The following VPS13B variants were observed in gnomAD, a reference collection of about 807,000 sequenced individuals.
The protein encoded by VPS13B is intermembrane lipid transfer protein VPS13B.
A neutral mutation model predicts 426.4 loss-of-function variants in VPS13B; 285 were observed. That is an observed-to-expected ratio of 0.67 (90% CI 0.61 to 0.74). VPS13B has a LOEUF of 0.74. Among genes scored for constraint, VPS13B ranks in the 30% least tolerant of loss-of-function variants. The pLI is 0.00. For missense variants in VPS13B, 4,537 were observed against 4,782.6 expected, an observed-to-expected ratio of 0.95 and a Z score of 1.51; for synonymous variants, 1,676 against 1,676.4, an observed-to-expected ratio of 1.00 and a Z score of 0.01.
chr8:99,558,630 A>G (rs894899469), intron 31 of VPS13B, among the ~76,000 whole-genome samples: 5 of 152,002 alleles, frequency 3.3e-5, no homozygotes, highest in East Asian at 1.9e-4. Context: ...TCATTGTTCA[A>G]TTCCCACCTA....
At position 99,817,481 on chromosome 8, in the gene VPS13B, A is replaced by G. The variant is rs28485683; in HGVS notation, c.8098-59A>G. The G allele has an allele frequency of 2.4e-3, 3,816 of 1,589,754 alleles. 80 individuals carry two copies. The African/African-American group carries it at 0.044, about 18-fold the overall frequency. On this transcript the variant is annotated intron_variant, in intron 44 of 61. Coordinates refer to ENST00000357162, the MANE Select transcript of VPS13B (RefSeq NM_152564.5). ...TAGTTTACTCTGTTTGAATGATAAC[A>G]TATTTCCAGTTAATGAAGTCTGAAT...
At chr8:99,209,849 A>G (rs919275998) in intron 17 of VPS13B, 2 of 599,406 alleles carry the variant, frequency 3.3e-6, no homozygotes, top group Non-Finnish European at 4.2e-6. Flanking sequence ...CAAATACTTC[A>G]GTTACAGAAC....
At chr8:99,779,790 T>G (rs1365094891) in intron 42 of VPS13B, among the ~76,000 whole-genome samples, 1 of 152,180 alleles carries the variant, frequency 6.6e-6, no homozygotes, top group Non-Finnish European at 1.5e-5. Context: ...CCTTACTGAT[T>G]TTAGTGTTAT....
rs555207317 is a variant in VPS13B, at chr8:99,486,974, A to G, written c.3870+5172A>G. Among the ~76,000 whole-genome samples, 5 of 152,294 alleles carry G rather than the reference A, an allele frequency of 3.3e-5. No individual in the cohort carries two copies. In the South Asian group the frequency reaches 8.3e-4, roughly 25 times the overall value. On this transcript the variant is annotated intron_variant, in intron 25 of 61. Transcript: ENST00000357162. ...CTCAGTTAACAGGAGATGATTGAGT[A>G]TGCTGGAGCAGTTGGTGACACCAGT...
chr8:99,442,479 C>T lies in VPS13B; in HGVS notation c.3289C>T (p.Pro1097Ser). ...AAGTACAATTGTATCTGGTGACATT[C>T]CTGGAACAGTAAGAAGTTGGTACCA... ...SPSTIVSGDI[P>S]GTVRSWYHGQ... Residue 1097 changes from proline to serine, a missense_variant, in exon 23 of 62, where the codon CCT (proline) becomes TCT (serine). Coordinates refer to ENST00000357162, the MANE Select transcript of VPS13B (RefSeq NM_152564.5). 6.2e-7 allele frequency: 1 copy of T among 1,613,910 alleles called. No individual in the cohort carries two copies. The highest frequency in any genetic ancestry group is 1.1e-5 in the South Asian group (1 of 91,074).
intron 31 of VPS13B, among the ~76,000 whole-genome samples, chr8:99,570,844 G>A (rs940353397): frequency 1.3e-5 from 2 of 152,002 alleles, no homozygotes; most frequent in African/African-American, 4.8e-5. Flanking sequence ...GATGCCCCAG[G>A]GTTATCAAAA....
chr8:99,852,638 A>G (rs1175763231), intron 55 of VPS13B, among the ~76,000 whole-genome samples: 1 of 152,194 alleles, frequency 6.6e-6, no homozygotes, highest in East Asian at 1.9e-4. Context: ...GTCACTGATG[A>G]CGAGTTGTTT....
intron 30 of VPS13B, among the ~76,000 whole-genome samples, chr8:99,553,705 C>A (rs1448901800): frequency 6.6e-6 from 1 of 151,936 alleles, no homozygotes; most frequent in East Asian, 1.9e-4. Context: ...CCTACTTTCC[C>A]CAACTGAGAT....
At chr8:99,484,404 A>G (rs72674634) in intron 25 of VPS13B, among the ~76,000 whole-genome samples, 206 of 152,210 alleles carry the variant, frequency 1.4e-3, no homozygotes, top group South Asian at 5.8e-3. Flanking sequence ...TTCAAAATGT[A>G]CCCTCTTCTC....
intron 16 of VPS13B, among the ~76,000 whole-genome samples, chr8:99,176,531 T>C (rs1812640823): frequency 6.6e-6 from 1 of 152,088 alleles, no homozygotes; most frequent in African/African-American, 2.4e-5. Context: ...TAAGACAAAG[T>C]TGAGTTGCTT....
At position 99,039,406 on chromosome 8, in the gene VPS13B, A is replaced by T. The variant is rs1456813528; in HGVS notation, c.291+840A>T. Among the ~76,000 whole-genome samples the T allele has an allele frequency of 3.3e-5, 5 of 152,122 alleles. No homozygotes were observed. The South Asian group carries it at 8.3e-4, about 25-fold the overall frequency. ...CTTGCTAGTGTTTTTTTGCAGATGT[A>T]ATATTGGTTTTAAAGAGTTTCTACC... On this transcript the variant is annotated intron_variant, in intron 3 of 61. Coordinates refer to ENST00000357162, the MANE Select transcript of VPS13B (RefSeq NM_152564.5).
chr8:99,515,479 G>C (rs976095676), intron 29 of VPS13B, among the ~76,000 whole-genome samples: 3 of 151,872 alleles, frequency 2.0e-5, no homozygotes, highest in Non-Finnish European at 4.4e-5. Context: ...GCTGTGGTGG[G>C]TTTTTAACAT....
intron 16 of VPS13B, among the ~76,000 whole-genome samples, chr8:99,188,409 G>T (rs886336203): frequency 1.3e-5 from 2 of 152,118 alleles, no homozygotes; most frequent in African/African-American, 4.8e-5. Context: ...GCATGTATCA[G>T]TATTTAATTT....
intron 22 of VPS13B, among the ~76,000 whole-genome samples, chr8:99,441,607 A>G (rs1268555550): frequency 6.6e-6 from 1 of 152,116 alleles, no homozygotes; most frequent in Admixed American, 6.6e-5. Context: ...TAGACTTTAC[A>G]TTGCTTCTGA....
chr8:99,856,327 C>G (rs1462563990), intron 56 of VPS13B, among the ~76,000 whole-genome samples: 3 of 152,308 alleles, frequency 2.0e-5, no homozygotes, highest in African/African-American at 7.2e-5. Context: ...TGAAGACCAT[C>G]TGAAAGAAAG....
chr8:99,331,587 A>G (rs1388337025), intron 19 of VPS13B, among the ~76,000 whole-genome samples: 9 of 151,876 alleles, frequency 5.9e-5, no homozygotes, highest in Admixed American at 4.6e-4. Context: ...AAATTAAAAT[A>G]TAACCTGTAA....
At chr8:99,128,205 A>G (rs1469964314) in intron 8 of VPS13B, among the ~76,000 whole-genome samples, 1 of 151,812 alleles carries the variant, frequency 6.6e-6, no homozygotes, top group Non-Finnish European at 1.5e-5. Flanking sequence ...CCTGGCCAAC[A>G]TGGAAACCCC....
chr8:99,794,989 A>G (rs1173407205), intron 43 of VPS13B, among the ~76,000 whole-genome samples: 7 of 152,118 alleles, frequency 4.6e-5, no homozygotes, highest in Non-Finnish European at 8.8e-5. Flanking sequence ...AGCTTTTCCA[A>G]CCATGTCCTG....
intron 56 of VPS13B, among the ~76,000 whole-genome samples, chr8:99,856,009 C>A (rs2130923555): frequency 6.6e-6 from 1 of 152,296 alleles, no homozygotes; most frequent in African/African-American, 2.4e-5. Context: ...TGAGGCCTGG[C>A]AAGGACGAAG....
Sources: allele counts gnomAD v4.1 joint callset (sites outside exome capture counted in the v4.1 genomes callset), GRCh38; gene constraint gnomAD v4.1.1; transcripts MANE v1.5; gene names NCBI Gene and HGNC (gene_info 2026-07-23, HGNC 2026-07-21).